MIPOL1: variants seen among roughly 807,000 people sequenced by gnomAD.
MIPOL1 encodes the protein mirror-image polydactyly 1, also known as mirror-image polydactyly gene 1 protein.
MIPOL1 carries 57 observed loss-of-function variants against 60.9 expected under a neutral mutation model. That is an observed-to-expected ratio of 0.94 (90% CI 0.76 to 1.17). The LOEUF is 1.17. MIPOL1 is among the 50% of genes most tolerant of loss of function. The probability of loss-of-function intolerance (pLI) is 0.00; values close to 1 mark genes in which losing one functional copy is unlikely to be tolerated. For missense variants in MIPOL1, 551 were observed against 511.6 expected (o/e 1.08, Z -0.74); for synonymous variants, 179 against 168.8 (o/e 1.06, Z -0.47).
At chr14:37,345,450 A>G (rs2090881832) in intron 9 of MIPOL1, among the ~76,000 whole-genome samples, 1 of 152,194 alleles carries the variant, frequency 6.6e-6, no homozygotes, top group African/African-American at 2.4e-5. Context: ...CAATAATTTT[A>G]TTTGTTCAGT....
At chr14:37,293,878 T>TG (rs979379886) in intron 7 of MIPOL1, among the ~76,000 whole-genome samples, 6 of 152,204 alleles carry the variant, frequency 3.9e-5, no homozygotes, top group African/African-American at 1.4e-4. Context: ...GCTCCACCTC[T>TG]GGGGGCAGGG....
chr14:37,235,598 AC>A (rs1323722931), intron 1 of MIPOL1, among the ~76,000 whole-genome samples: 1 of 152,160 alleles, frequency 6.6e-6, no homozygotes, highest in East Asian at 1.9e-4. Flanking sequence ...CATAAAATGT[AC>A]ATAACATAAA....
At chr14:37,504,280 C>T (rs1378669157) in intron 12 of MIPOL1, 6 of 152,162 alleles carry the variant, frequency 3.9e-5, no homozygotes. Context: ...CAGAACTCTC[C>T]ACCCCAAATC....
chr14:37,492,677 C>T (rs549947525), intron 11 of MIPOL1, among the ~76,000 whole-genome samples: 1 of 152,090 alleles, frequency 6.6e-6, no homozygotes, highest in Admixed American at 6.5e-5. Context: ...TCCAATGTCA[C>T]TCAGAGTGAA....
At chr14:37,271,977 G>C (rs1387956010) in intron 6 of MIPOL1, among the ~76,000 whole-genome samples, 1 of 151,438 alleles carries the variant, frequency 6.6e-6, no homozygotes, top group East Asian at 1.9e-4. Flanking sequence ...TAGCTAAGCA[G>C]ATACTTTACA....
At chr14:37,203,887 A>G (rs1230722063) in intron 1 of MIPOL1, among the ~76,000 whole-genome samples, 4 of 152,158 alleles carry the variant, frequency 2.6e-5, no homozygotes, top group South Asian at 4.1e-4. Context: ...GGTTCAAGCA[A>G]TTCTCCTGCC....
intron 3 of MIPOL1, among the ~76,000 whole-genome samples, chr14:37,253,105 A>G (rs1974368211): frequency 6.6e-6 from 1 of 151,752 alleles, no homozygotes; most frequent in African/African-American, 2.4e-5. Flanking sequence ...GTAATGGTAT[A>G]TTTTTCATGA....
chr14:37,333,437 T>G (rs1002627261), intron 9 of MIPOL1, among the ~76,000 whole-genome samples: 29 of 152,204 alleles, frequency 1.9e-4, no homozygotes, highest in African/African-American at 7.0e-4. Flanking sequence ...GTACTCCAAT[T>G]AAAGACAGAT....
intron 11 of MIPOL1, among the ~76,000 whole-genome samples, chr14:37,478,705 T>G (rs966141215): frequency 4.6e-5 from 7 of 151,648 alleles, no homozygotes; most frequent in Non-Finnish European, 8.8e-5. Context: ...AGACTGAAAG[T>G]GAAAGGATAG....
At chr14:37,384,468 G>A (rs2093012036) in intron 10 of MIPOL1, among the ~76,000 whole-genome samples, 3 of 151,332 alleles carry the variant, frequency 2.0e-5, no homozygotes, top group Admixed American at 6.6e-5. Flanking sequence ...TATTTAAAAA[G>A]GCAGACATCT....
intron 9 of MIPOL1, among the ~76,000 whole-genome samples, chr14:37,355,466 T>G (rs1274325258): frequency 1.3e-5 from 2 of 151,296 alleles, no homozygotes; most frequent in African/African-American, 4.9e-5. Flanking sequence ...CTTGCTAGAT[T>G]AGGGAAGTTC....
At chr14:37,216,076 A>AAAG (rs948416571) in intron 1 of MIPOL1, among the ~76,000 whole-genome samples, 22 of 150,110 alleles carry the variant, frequency 1.5e-4, no homozygotes, top group Non-Finnish European at 2.9e-4. Context: ...AAAAAAAAAA[A>AAAG]AAAGAAAGAA....
intron 1 of MIPOL1, among the ~76,000 whole-genome samples, chr14:37,245,168 T>C (rs572428064): frequency 1.5e-4 from 23 of 152,240 alleles, no homozygotes; most frequent in African/African-American, 5.3e-4. Context: ...AAAATTTTAC[T>C]TGGTGAATTT....
Position 37,422,921 on chromosome 14 carries a change from GA to G in MIPOL1, c.1006del (p.Ile336SerfsTer20). ...TCAACAGTACAAAAAACTGGAAGAG[GA>G]AATCCAGACCCTTCGAGTTTACTAC... ...AVQQYKKLEEEIQTLRVYYSL... is the reference protein window; with the variant it reads ...AVQQYKKLEEXIQTLRVYYSL... On this transcript the variant is annotated frameshift_variant, in exon 11 of 13. Coordinates refer to ENST00000684589, the MANE Select transcript of MIPOL1 (RefSeq NM_001388067.1). LOFTEE classifies it high-confidence loss of function. 1 of 1,608,258 alleles carries G rather than the reference GA, an allele frequency of 6.2e-7. No individual in the cohort carries two copies. The highest frequency in any genetic ancestry group is 1.3e-5 in the African/African-American group (1 of 74,694).
chr14:37,449,823 A>AT (rs2094391873), intron 11 of MIPOL1, among the ~76,000 whole-genome samples: 1 of 151,142 alleles, frequency 6.6e-6, no homozygotes, highest in African/African-American at 2.4e-5. Context: ...TACTTAATTT[A>AT]TTTTTTTGAG....
chr14:37,348,828 GTTT>G (rs10712008), intron 9 of MIPOL1, among the ~76,000 whole-genome samples: 3 of 113,076 alleles, frequency 2.7e-5, no homozygotes, highest in Admixed American at 8.9e-5. Flanking sequence ...TCCTTTTTTT[GTTT>G]TTTTTTTTTT....
chr14:37,291,117 G>A (rs2153416569), intron 7 of MIPOL1, among the ~76,000 whole-genome samples: 2 of 152,150 alleles, frequency 1.3e-5, no homozygotes, highest in East Asian at 1.9e-4. Flanking sequence ...TGTAGAGATA[G>A]GGTCCTGCTA....
At chr14:37,509,238 T>A (rs988376980) in intron 12 of MIPOL1, among the ~76,000 whole-genome samples, 13 of 152,036 alleles carry the variant, frequency 8.6e-5, no homozygotes, top group African/African-American at 2.9e-4. Flanking sequence ...CTCACTCCCC[T>A]GAAAGTAAAG....
intron 1 of MIPOL1, among the ~76,000 whole-genome samples, chr14:37,225,587 A>G (rs76506511): frequency 0.034 from 5,223 of 152,240 alleles, 231 homozygotes; most frequent in East Asian, 0.24. Flanking sequence ...CCTAGGCTGC[A>G]CACAGCACAG....
Sources: gnomAD v4.1 joint callset for allele counts (sites outside exome capture counted in the v4.1 genomes callset) on GRCh38, gnomAD v4.1.1 for gene constraint, MANE v1.5 for transcripts, NCBI Gene and HGNC (gene_info 2026-07-23, HGNC 2026-07-21) for gene names.